FGF12: variants seen among roughly 807,000 people sequenced by gnomAD.
FGF12 encodes the protein fibroblast growth factor 12B.
In FGF12, 14 loss-of-function variants were observed where a neutral mutation model predicts 23.6. That is an observed-to-expected ratio of 0.59 (90% CI 0.39 to 0.93). The LOEUF is 0.93. Among genes scored for constraint, FGF12 ranks in the 40% least tolerant of loss-of-function variants. The pLI, the probability that FGF12 is intolerant of heterozygous loss-of-function variation, is 0.00. For missense variants in FGF12, 175 were observed against 217.8 expected, an observed-to-expected ratio of 0.80 and a Z score of 1.24; for synonymous variants, 62 against 77.3, an observed-to-expected ratio of 0.80 and a Z score of 1.04.
At chr3:192,530,978 C>G (rs1725071952) in intron 2 of FGF12, among the ~76,000 whole-genome samples, 1 of 152,142 alleles carries the variant, frequency 6.6e-6, no homozygotes, top group Admixed American at 6.5e-5. Context: ...CCATGCCCAG[C>G]TAATTTTTGT....
chr3:192,600,166 C>T (rs1233874416), intron 2 of FGF12, among the ~76,000 whole-genome samples: 1 of 152,014 alleles, frequency 6.6e-6, no homozygotes, highest in Non-Finnish European at 1.5e-5. Flanking sequence ...AATGACTGTT[C>T]CTGGCGCCTT....
chr3:192,227,497 T>C (rs1385409245), intron 4 of FGF12, among the ~76,000 whole-genome samples: 1 of 148,900 alleles, frequency 6.7e-6, no homozygotes, highest in African/African-American at 2.5e-5. Flanking sequence ...TAATGGAATA[T>C]GGAAAGCAAT....
chr3:192,614,282 A>T (rs1279698412), intron 2 of FGF12, among the ~76,000 whole-genome samples: 3 of 151,718 alleles, frequency 2.0e-5, no homozygotes, highest in Non-Finnish European at 4.4e-5. Flanking sequence ...TTTTCAAACA[A>T]TCTGCTACAA....
chr3:192,216,203 G>C (rs1718184965), intron 4 of FGF12, among the ~76,000 whole-genome samples: 1 of 152,072 alleles, frequency 6.6e-6, no homozygotes, highest in Non-Finnish European at 1.5e-5. Flanking sequence ...ATTTCTCCAA[G>C]TGACTATTTC....
In FGF12 at chr3:192,200,303, T is replaced by C. The variant is rs904091837; in HGVS notation, c.229-29647A>G. On this transcript the variant is annotated intron_variant, in intron 4 of 5. Coordinates refer to ENST00000445105, the MANE Select transcript of FGF12 (RefSeq NM_004113.6). ...GAGATTGTGCCACTGCACTCCAGCA[T>C]GGGTGACAGAGCAAGAGTCCATCTT... 2.6e-5 allele frequency among the ~76,000 whole-genome samples: 4 copies of C among 151,850 alleles called. No homozygotes were observed. The South Asian group carries it at 8.3e-4, about 32-fold the overall frequency.
At chr3:192,500,441 C>CG (rs1246635180) in intron 2 of FGF12, among the ~76,000 whole-genome samples, 1 of 150,424 alleles carries the variant, frequency 6.6e-6, no homozygotes, top group South Asian at 2.1e-4. Context: ...CCAACATCCC[C>CG]CCACCCGCCA....
At chr3:192,402,931 T>C (rs1004483576) in intron 2 of FGF12, among the ~76,000 whole-genome samples, 5 of 152,124 alleles carry the variant, frequency 3.3e-5, no homozygotes, top group African/African-American at 7.2e-5. Flanking sequence ...AGCCAGAAGA[T>C]AAAATTGAAA....
At chr3:192,149,460 C>T (rs1312026397) in intron 5 of FGF12, among the ~76,000 whole-genome samples, 11 of 114,088 alleles carry the variant, frequency 9.6e-5, no homozygotes, top group Non-Finnish European at 1.6e-4. Flanking sequence ...GCTATCCCTC[C>T]CCCCTCCCCC....
chr3:192,680,291 G>A (rs1428250687), intron 2 of FGF12, among the ~76,000 whole-genome samples: 1 of 152,178 alleles, frequency 6.6e-6, no homozygotes. Context: ...CCATAACCAG[G>A]TGAAAAACAA....
At chr3:192,239,090 G>T (rs1719459435) in intron 4 of FGF12, among the ~76,000 whole-genome samples, 1 of 152,148 alleles carries the variant, frequency 6.6e-6, no homozygotes, top group Non-Finnish European at 1.5e-5. Flanking sequence ...CTTACGAAAA[G>T]ACATGAGGTC....
chr3:192,200,205 T>G (rs1329133869), intron 4 of FGF12, among the ~76,000 whole-genome samples: 1 of 151,472 alleles, frequency 6.6e-6, no homozygotes. Context: ...TGCGTGCTCC[T>G]GTAGTCCCAG....
At chr3:192,400,245 C>T (rs1486040160) in intron 2 of FGF12, among the ~76,000 whole-genome samples, 4 of 152,002 alleles carry the variant, frequency 2.6e-5, no homozygotes, top group South Asian at 4.1e-4. Context: ...AATCACTTGA[C>T]GATTCGAAGG....
chr3:192,592,584 G>C (rs1466849674), intron 2 of FGF12, among the ~76,000 whole-genome samples: 1 of 151,850 alleles, frequency 6.6e-6, no homozygotes, highest in African/African-American at 2.4e-5. Flanking sequence ...ATCTTCCCAA[G>C]CTCCTCGCCC....
Position 192,415,741 on chromosome 3 carries a change from C to T in FGF12, c.14-55203G>A, listed in dbSNP as rs1314543869. 6.2e-3 allele frequency among the ~76,000 whole-genome samples: 927 copies of T among 150,234 alleles called. 11 individuals are homozygous for T. Among genetic ancestry groups the T allele is most frequent in the African/African-American group, 0.019 (775 of 40,792 alleles). On this transcript the variant is annotated intron_variant, in intron 2 of 5. Transcript: ENST00000445105. ...CTCTTCTCTCTCTCTCTCACACACA[C>T]ACACACACACACACACACACACACA...
intron 4 of FGF12, among the ~76,000 whole-genome samples, chr3:192,260,069 T>C (rs1438268082): frequency 6.6e-6 from 1 of 152,180 alleles, no homozygotes; most frequent in Non-Finnish European, 1.5e-5. Flanking sequence ...CCGGATCTTC[T>C]GTCACTTGAA....
chr3:192,568,953 C>T (rs1413296068), intron 2 of FGF12, among the ~76,000 whole-genome samples: 2 of 152,112 alleles, frequency 1.3e-5, no homozygotes, highest in African/African-American at 4.8e-5. Context: ...AAAAGACCAA[C>T]TTATGAAGGG....
At chr3:192,326,542 C>G (rs1716829864) in intron 4 of FGF12, among the ~76,000 whole-genome samples, 1 of 152,144 alleles carries the variant, frequency 6.6e-6, no homozygotes, top group Non-Finnish European at 1.5e-5. Context: ...ATCTCACAAT[C>G]TTAACATTGT....
chr3:192,665,267 C>T (rs183304425), intron 2 of FGF12, among the ~76,000 whole-genome samples: 47 of 152,232 alleles, frequency 3.1e-4, no homozygotes, highest in Middle Eastern at 3.4e-3. Flanking sequence ...AAATCAACTT[C>T]ATCATGGTTC....
chr3:192,696,812 A>C (rs1718139516), intron 2 of FGF12, among the ~76,000 whole-genome samples: 1 of 152,046 alleles, frequency 6.6e-6, no homozygotes, highest in South Asian at 2.1e-4. Context: ...CGGGTGATAC[A>C]GATGTGCTGG....
Sources: allele counts gnomAD v4.1 joint callset (sites outside exome capture counted in the v4.1 genomes callset), GRCh38; gene constraint gnomAD v4.1.1; transcripts MANE v1.5; gene names NCBI Gene and HGNC (gene_info 2026-07-23, HGNC 2026-07-21).